Variants in USP9Y observed in about 807,000 individuals in gnomAD.
USP9Y encodes the protein ubiquitin carboxyl-terminal hydrolase 9Y.
A neutral mutation model predicts 53.1 loss-of-function variants in USP9Y; 41 were observed. That is an observed-to-expected ratio of 0.77 (90% CI 0.60 to 1.00). USP9Y has a LOEUF of 1.00. Among genes scored for constraint, USP9Y ranks in the 50% least tolerant of loss-of-function variants. The pLI, the probability that USP9Y is intolerant of heterozygous loss-of-function variation, is 0.00. For missense variants in USP9Y, 567 were observed against 535.8 expected, an observed-to-expected ratio of 1.06 and a Z score of -0.58; for synonymous variants, 220 against 173.7, an observed-to-expected ratio of 1.27 and a Z score of -2.09.
intron 32 of USP9Y, among the ~76,000 whole-genome samples, chrY:12,817,276 C>T (rs764802207): frequency 8.9e-5 from 3 of 33,737 alleles, no homozygotes; most frequent in Non-Finnish European, 1.5e-4. Flanking sequence ...AAAAAAATTT[C>T]GGTCATGTTT....
chrY:12,836,343 T>C, intron 34 of USP9Y, among the ~76,000 whole-genome samples: 1 of 33,613 alleles, frequency 3.0e-5, no homozygotes, highest in South Asian at 6.5e-4. Context: ...AAACAGATAA[T>C]ATGTATCATA....
chrY:12,786,284 A>C lies in USP9Y; in HGVS notation c.3233A>C (p.Asp1078Ala). ...LGEGKLSPPL[D>A]SLFFGPSASQ... ...GAAGGCAAACTTAGTCCACCCCTTG[A>C]CTCTCTTTTCTTTGGTCCTTCTGCC... Residue 1078 changes from aspartate (D) to alanine (A), a missense_variant, in exon 23 of 46, where the codon GAC becomes GCC. Physicochemically the swap from Asp to Ala is moderately radical, Grantham distance 126. Transcript: ENST00000338981. 1 of 397,535 alleles carries C rather than the reference A, an allele frequency of 2.5e-6. No individual in the cohort carries two copies.
At chrY:12,762,388 G>T in intron 15 of USP9Y, among the ~76,000 whole-genome samples, 1 of 33,427 alleles carries the variant, frequency 3.0e-5, no homozygotes, top group South Asian at 6.7e-4. Context: ...AAGAGGAAAG[G>T]CATAGGTGCA....
At chrY:12,803,264 G>C in intron 27 of USP9Y, 1 of 32,285 alleles carries the variant, frequency 3.1e-5, no homozygotes, top group Non-Finnish European at 7.4e-5. Flanking sequence ...TTTTCCCTGG[G>C]GTCTGATAAA....
intron 7 of USP9Y, 150 bp from the exon 8 acceptor site, chrY:12,735,462 T>C (rs754244137): frequency 8.1e-6 from 1 of 124,160 alleles, no homozygotes; most frequent in South Asian, 7.2e-5. Flanking sequence ...GTATATATAG[T>C]AAACATGTCT....
chrY:12,818,948 G>T, intron 33 of USP9Y, among the ~76,000 whole-genome samples: 1 of 33,563 alleles, frequency 3.0e-5, no homozygotes. Flanking sequence ...TGGAGGCCAA[G>T]GCTGGCGGAT....
chrY:12,836,803 T>C (rs2053555579), intron 34 of USP9Y, among the ~76,000 whole-genome samples: 2 of 33,200 alleles, frequency 6.0e-5, no homozygotes, highest in East Asian at 1.6e-3. Context: ...GTTCAAGTGA[T>C]TCACCTGCCT....
At chrY:12,743,543 G>A in intron 12 of USP9Y, among the ~76,000 whole-genome samples, 1 of 33,714 alleles carries the variant, frequency 3.0e-5, no homozygotes, top group Non-Finnish European at 7.3e-5. Context: ...GATTACAGGT[G>A]TGAGCCACCA....
chrY:12,768,614 A>AT (rs1556158810), intron 15 of USP9Y, among the ~76,000 whole-genome samples: 5 of 28,391 alleles, frequency 1.8e-4, no homozygotes, highest in Non-Finnish European at 3.4e-4. Flanking sequence ...GCCTTTTCTT[A>AT]TTTTTTTTTT....
At chrY:12,822,776 T>A in intron 33 of USP9Y, among the ~76,000 whole-genome samples, 1 of 34,100 alleles carries the variant, frequency 2.9e-5, no homozygotes, top group Non-Finnish European at 7.3e-5. Context: ...AACATAAAAA[T>A]TCACCCTTTT....
intron 3 of USP9Y, among the ~76,000 whole-genome samples, chrY:12,711,445 T>G: frequency 3.1e-5 from 1 of 31,830 alleles, no homozygotes; most frequent in Non-Finnish European, 7.6e-5. Flanking sequence ...AATTTGTACT[T>G]CTTGATAGTT....
chrY:12,727,029 G>C, intron 7 of USP9Y, among the ~76,000 whole-genome samples: 1 of 33,198 alleles, frequency 3.0e-5, no homozygotes, highest in Non-Finnish European at 7.4e-5. Context: ...GGTTGAATAT[G>C]CTCCTTGGAG....
At chrY:12,798,264 G>T (rs568706177) in intron 27 of USP9Y, among the ~76,000 whole-genome samples, 1 of 33,376 alleles carries the variant, frequency 3.0e-5, no homozygotes, top group African/African-American at 1.2e-4. Flanking sequence ...GCATATCTTG[G>T]TGATGAGAAA....
chrY:12,746,812 C>T (rs2053461094), intron 12 of USP9Y, among the ~76,000 whole-genome samples: 1 of 28,102 alleles, frequency 3.6e-5, no homozygotes, highest in Non-Finnish European at 8.3e-5. Flanking sequence ...TGGCTCACTG[C>T]AAGCTCCACC....
intron 12 of USP9Y, among the ~76,000 whole-genome samples, chrY:12,751,494 G>A: frequency 3.0e-5 from 1 of 33,251 alleles, no homozygotes; most frequent in African/African-American, 1.2e-4. Flanking sequence ...ATTTAAGTTT[G>A]TTATTACTGA....
intron 3 of USP9Y, among the ~76,000 whole-genome samples, chrY:12,717,550 A>G: frequency 3.1e-5 from 1 of 32,103 alleles, no homozygotes; most frequent in Non-Finnish European, 7.6e-5. Context: ...GGGCTGCCTG[A>G]GTGACTTCAG....
intron 27 of USP9Y, among the ~76,000 whole-genome samples, chrY:12,806,596 C>T (rs780031643): frequency 2.9e-5 from 1 of 33,962 alleles, no homozygotes; most frequent in Non-Finnish European, 7.3e-5. Context: ...TAACGCATTC[C>T]GTTAGCTTTT....
chrY:12,756,200 C>T, intron 12 of USP9Y, among the ~76,000 whole-genome samples: 1 of 33,259 alleles, frequency 3.0e-5, no homozygotes, highest in Non-Finnish European at 7.4e-5. Flanking sequence ...CTTTATCTTC[C>T]CACAGATTTT....
At chrY:12,721,493 A>G in intron 4 of USP9Y, among the ~76,000 whole-genome samples, 1 of 33,054 alleles carries the variant, frequency 3.0e-5, no homozygotes, top group Admixed American at 2.8e-4. Context: ...TGAACTTTTT[A>G]CAAAAGTAAG....
Sources: gnomAD v4.1 joint callset for allele counts (sites outside exome capture counted in the v4.1 genomes callset) on GRCh38, gnomAD v4.1.1 for gene constraint, MANE v1.5 for transcripts, NCBI Gene and HGNC (gene_info 2026-07-23, HGNC 2026-07-21) for gene names.